Variants in FBXL13 observed in about 807,000 individuals in gnomAD.
The protein encoded by FBXL13 is F-box and leucine-rich repeat protein 13.
FBXL13 carries 67 observed loss-of-function variants against 83.6 expected under a neutral mutation model. The ratio of observed to expected loss-of-function variants is 0.80; its 90% CI spans 0.66 to 0.98. The LOEUF (loss-of-function observed/expected upper bound fraction) is 0.98, where lower values mean the gene tolerates loss of function less well. FBXL13 is among the 50% of genes least tolerant of loss of function. FBXL13 has a pLI of 0.00. For missense variants in FBXL13, 822 were observed against 866.5 expected (o/e 0.95, Z 0.64); for synonymous variants, 272 against 299.5 (o/e 0.91, Z 0.95).
chr7:102,886,979 G>C (rs549934044), intron 11 of FBXL13, among the ~76,000 whole-genome samples: 2 of 152,282 alleles, frequency 1.3e-5, no homozygotes, highest in South Asian at 2.1e-4. Flanking sequence ...CCAGGCCTTT[G>C]GGTGGGATTA....
chr7:102,849,758 A>T (rs1158650023), intron 17 of FBXL13, among the ~76,000 whole-genome samples: 3 of 152,322 alleles, frequency 2.0e-5, no homozygotes, highest in Non-Finnish European at 2.9e-5. Context: ...AAAGATTACC[A>T]CATGCCCAGA....
At chr7:102,964,547 C>A (rs529577393) in intron 7 of FBXL13, among the ~76,000 whole-genome samples, 113 of 151,672 alleles carry the variant, frequency 7.5e-4, no homozygotes, top group Non-Finnish European at 1.3e-3. Context: ...GAATTATAGG[C>A]ACCTGCCACC....
intron 11 of FBXL13, among the ~76,000 whole-genome samples, chr7:102,906,484 T>A (rs901048334): frequency 1.3e-5 from 2 of 152,230 alleles, no homozygotes; most frequent in African/African-American, 4.8e-5. Context: ...TATTTATTGC[T>A]TGCTTTTCTT....
At chr7:103,070,692 T>C (rs1276813103) in intron 1 of FBXL13, among the ~76,000 whole-genome samples, 19 of 152,168 alleles carry the variant, frequency 1.2e-4, no homozygotes, top group Non-Finnish European at 4.4e-5. Context: ...AGGAAGCTTT[T>C]ACTCACTGCA....
chr7:102,922,116 C>T (rs758673058), intron 10 of FBXL13, among the ~76,000 whole-genome samples: 7 of 150,698 alleles, frequency 4.6e-5, no homozygotes, highest in African/African-American at 7.3e-5. Flanking sequence ...CTTGAGCCCG[C>T]GAGGCGGAGG....
At chr7:103,003,575 G>C (rs1405466993) in intron 6 of FBXL13, among the ~76,000 whole-genome samples, 1 of 149,214 alleles carries the variant, frequency 6.7e-6, no homozygotes, top group African/African-American at 2.5e-5. Flanking sequence ...GTGAGCCCTT[G>C]CACCTGGCCA....
At chr7:103,026,720 C>G (rs1793959008) in intron 5 of FBXL13, among the ~76,000 whole-genome samples, 1 of 152,154 alleles carries the variant, frequency 6.6e-6, no homozygotes, top group Non-Finnish European at 1.5e-5. Context: ...TATTGTCAGT[C>G]TCAACATCTG....
intron 8 of FBXL13, among the ~76,000 whole-genome samples, chr7:102,953,010 A>T (rs1280187229): frequency 2.0e-5 from 3 of 152,056 alleles, no homozygotes; most frequent in Non-Finnish European, 4.4e-5. Context: ...CAAACAAACA[A>T]AAAAACCCTC....
At chr7:102,919,834 T>C (rs990510049) in intron 10 of FBXL13, among the ~76,000 whole-genome samples, 4 of 152,194 alleles carry the variant, frequency 2.6e-5, no homozygotes, top group African/African-American at 7.2e-5. Context: ...TTTTTAAAAT[T>C]ATATTTCCAG....
intron 2 of FBXL13, among the ~76,000 whole-genome samples, chr7:103,051,840 T>C (rs1421301958): frequency 2.6e-5 from 4 of 152,212 alleles, no homozygotes; most frequent in Non-Finnish European, 5.9e-5. Flanking sequence ...GAACACAGTT[T>C]GAACACTCAG....
chr7:102,903,890 T>C (rs1813298076), intron 11 of FBXL13, among the ~76,000 whole-genome samples: 1 of 151,404 alleles, frequency 6.6e-6, no homozygotes, highest in South Asian at 2.1e-4. Flanking sequence ...TTGAGGATTT[T>C]TGCATCAATA....
At chr7:103,070,833 G>T (rs1417144507) in intron 1 of FBXL13, among the ~76,000 whole-genome samples, 1 of 152,174 alleles carries the variant, frequency 6.6e-6, no homozygotes, top group Non-Finnish European at 1.5e-5. Flanking sequence ...TCACAGGGGA[G>T]GGCACAAAGC....
chr7:103,061,393 G>A (rs576272502), intron 1 of FBXL13, among the ~76,000 whole-genome samples: 2 of 152,158 alleles, frequency 1.3e-5, no homozygotes, highest in South Asian at 4.2e-4. Flanking sequence ...TAAATCATGT[G>A]CTTTTCTTTG....
chr7:103,041,576 A>G (rs1302479919), intron 2 of FBXL13, among the ~76,000 whole-genome samples: 1 of 152,218 alleles, frequency 6.6e-6, no homozygotes, highest in African/African-American at 2.4e-5. Context: ...ATCCTTAATA[A>G]AATACTGGAA....
At chr7:102,812,646 C>G (rs1175688471), downstream of FBXL13, among the ~76,000 whole-genome samples, 1 of 152,126 alleles carries the variant, frequency 6.6e-6, no homozygotes, top group Non-Finnish European at 1.5e-5. Context: ...TCCCCTGGCT[C>G]AAACTCTTAG....
chr7:102,955,815 C>T (rs920063023), intron 8 of FBXL13, among the ~76,000 whole-genome samples: 5 of 152,058 alleles, frequency 3.3e-5, no homozygotes, highest in African/African-American at 1.2e-4. Context: ...CACATACACC[C>T]TCCCAAGACT....
intron 6 of FBXL13, among the ~76,000 whole-genome samples, chr7:103,016,904 G>T (rs1585375511): frequency 6.6e-6 from 1 of 152,344 alleles, no homozygotes; most frequent in East Asian, 1.9e-4. Flanking sequence ...TAGGGGCAGG[G>T]CATAGCCGAA....
chr7:103,042,680 T>A (rs1795850516), intron 2 of FBXL13, among the ~76,000 whole-genome samples: 1 of 152,142 alleles, frequency 6.6e-6, no homozygotes, highest in African/African-American at 2.4e-5. Flanking sequence ...TCTACAACCA[T>A]CTGATCTTTG....
intron 2 of FBXL13, among the ~76,000 whole-genome samples, chr7:103,045,592 C>T (rs1483209176): frequency 1.3e-5 from 2 of 152,120 alleles, no homozygotes; most frequent in African/African-American, 4.8e-5. Context: ...GCTGGAATGT[C>T]CTATTTACAG....
Sources: allele counts gnomAD v4.1 joint callset (sites outside exome capture counted in the v4.1 genomes callset), GRCh38; gene constraint gnomAD v4.1.1; transcripts MANE v1.5; gene names NCBI Gene and HGNC (gene_info 2026-07-23, HGNC 2026-07-21).